SLC25A21: variants seen among roughly 807,000 people sequenced by gnomAD.
SLC25A21 encodes the protein mitochondrial 2-oxodicarboxylate carrier.
A neutral mutation model predicts 43.8 loss-of-function variants in SLC25A21; 47 were observed. That is an observed-to-expected ratio of 1.07 (90% CI 0.85 to 1.37). The LOEUF is 1.37. Ranked by LOEUF, SLC25A21 falls within the 40% of genes most tolerant of loss-of-function variation. The pLI, the probability that SLC25A21 is intolerant of heterozygous loss-of-function variation, is 0.00. For missense variants in SLC25A21, 352 were observed against 350.2 expected (o/e 1.00, Z -0.04); for synonymous variants, 131 against 121.3 (o/e 1.08, Z -0.52).
intron 3 of SLC25A21, among the ~76,000 whole-genome samples, chr14:36,756,230 TGAA>T (rs1253003128): frequency 1.3e-5 from 2 of 152,080 alleles, no homozygotes; most frequent in Admixed American, 6.5e-5. Context: ...GGAAGGTGGA[TGAA>T]GAAGAAAAGT....
intron 7 of SLC25A21, among the ~76,000 whole-genome samples, chr14:36,699,316 G>A (rs1239316979): frequency 6.6e-6 from 1 of 152,096 alleles, no homozygotes; most frequent in Non-Finnish European, 1.5e-5. Context: ...CCTTCCTCTG[G>A]AAGCTTCAAC....
intron 2 of SLC25A21, among the ~76,000 whole-genome samples, chr14:36,819,757 T>C (rs536682000): frequency 7.9e-5 from 12 of 152,238 alleles, no homozygotes; most frequent in African/African-American, 2.9e-4. Flanking sequence ...TATATATGCA[T>C]ATATAGTATA....
chr14:36,724,691 T>A (rs972079851), intron 6 of SLC25A21, among the ~76,000 whole-genome samples: 1 of 152,196 alleles, frequency 6.6e-6, no homozygotes, highest in Non-Finnish European at 1.5e-5. Context: ...CAAGGAATGC[T>A]GTCTGCACAA....
intron 1 of SLC25A21, among the ~76,000 whole-genome samples, chr14:37,115,945 A>T (rs953832545): frequency 6.6e-6 from 1 of 152,204 alleles, no homozygotes; most frequent in African/African-American, 2.4e-5. Flanking sequence ...CTACATTAAG[A>T]ATGAAAATAC....
intron 1 of SLC25A21, among the ~76,000 whole-genome samples, chr14:37,077,942 A>C (rs1039338287): frequency 4.6e-5 from 7 of 152,154 alleles, no homozygotes; most frequent in Non-Finnish European, 8.8e-5. Flanking sequence ...ACATTTTAAA[A>C]ATTTTTTTAA....
chr14:37,106,753 C>A (rs1175441812), intron 1 of SLC25A21, among the ~76,000 whole-genome samples: 1 of 48,050 alleles, frequency 2.1e-5, no homozygotes, highest in Admixed American at 1.9e-4. Flanking sequence ...CCTTTTGAAA[C>A]CCTTAATAAA....
chr14:36,932,734 T>A (rs1476200558), intron 1 of SLC25A21, among the ~76,000 whole-genome samples: 2 of 151,998 alleles, frequency 1.3e-5, no homozygotes, highest in Non-Finnish European at 2.9e-5. Context: ...ATACACTGTA[T>A]AATGTATTTA....
At chr14:37,028,133 G>T (rs1961132731) in intron 1 of SLC25A21, among the ~76,000 whole-genome samples, 1 of 151,846 alleles carries the variant, frequency 6.6e-6, no homozygotes, top group African/African-American at 2.4e-5. Flanking sequence ...TTTTTGTAAG[G>T]AGACGTGTGT....
At chr14:37,008,063 AG>A (rs1960647605) in intron 1 of SLC25A21, among the ~76,000 whole-genome samples, 1 of 152,032 alleles carries the variant, frequency 6.6e-6, no homozygotes, top group Non-Finnish European at 1.5e-5. Flanking sequence ...CAGTAGAGAC[AG>A]GGTTTAACCA....
intron 3 of SLC25A21, among the ~76,000 whole-genome samples, chr14:36,745,414 G>A (rs1013540514): frequency 2.6e-5 from 4 of 152,132 alleles, no homozygotes; most frequent in East Asian, 1.9e-4. Context: ...TTGAGGAATC[G>A]CCACACTGTC....
intron 1 of SLC25A21, among the ~76,000 whole-genome samples, chr14:37,167,718 C>T (rs530592039): frequency 6.6e-6 from 1 of 152,190 alleles, no homozygotes; most frequent in East Asian, 1.9e-4. Flanking sequence ...AAGATCAGGG[C>T]TTGAGATATT....
At chr14:36,965,969 T>C (rs897444754) in intron 1 of SLC25A21, among the ~76,000 whole-genome samples, 1 of 152,244 alleles carries the variant, frequency 6.6e-6, no homozygotes, top group Non-Finnish European at 1.5e-5. Flanking sequence ...ATTACATGCA[T>C]GTACCAAAAT....
At chr14:37,147,050 C>T (rs1010532441) in intron 1 of SLC25A21, among the ~76,000 whole-genome samples, 5 of 152,126 alleles carry the variant, frequency 3.3e-5, no homozygotes, top group African/African-American at 4.8e-5. Context: ...TCCATTTATT[C>T]ATTGCACAAG....
At chr14:36,921,040 G>C (rs1891966156) in intron 1 of SLC25A21, among the ~76,000 whole-genome samples, 1 of 152,106 alleles carries the variant, frequency 6.6e-6, no homozygotes, top group South Asian at 2.1e-4. Context: ...AATCATATGG[G>C]AGGGTGGATC....
At chr14:37,162,614 G>T (rs7153106) in intron 1 of SLC25A21, among the ~76,000 whole-genome samples, 60,283 of 151,924 alleles carry the variant, frequency 0.4, 12,911 homozygotes, top group African/African-American at 0.57. Flanking sequence ...CCAGTTAGAA[G>T]GGCAATCATT....
intron 2 of SLC25A21, among the ~76,000 whole-genome samples, chr14:36,823,807 T>G (rs1281286797): frequency 2.6e-5 from 4 of 152,176 alleles, no homozygotes; most frequent in Non-Finnish European, 5.9e-5. Flanking sequence ...GCAACCCCCT[T>G]GAGTCCACAA....
intron 1 of SLC25A21, among the ~76,000 whole-genome samples, chr14:37,077,485 T>C (rs964288453): frequency 6.6e-6 from 1 of 152,104 alleles, no homozygotes; most frequent in African/African-American, 2.4e-5. Context: ...AATCCGTATG[T>C]TATGTATAAC....
At chr14:37,132,096 C>T (rs1226183432) in intron 1 of SLC25A21, among the ~76,000 whole-genome samples, 1 of 152,102 alleles carries the variant, frequency 6.6e-6, no homozygotes, top group Non-Finnish European at 1.5e-5. Context: ...TGGTGGAAGG[C>T]AGAAGGTCAA....
At chr14:36,990,217 A>C (rs1458538256) in intron 1 of SLC25A21, among the ~76,000 whole-genome samples, 1 of 152,194 alleles carries the variant, frequency 6.6e-6, no homozygotes, top group African/African-American at 2.4e-5. Context: ...AAGCTGTCTA[A>C]GACAGCGGAT....
Sources: allele counts gnomAD v4.1 joint callset (sites outside exome capture counted in the v4.1 genomes callset), GRCh38; gene constraint gnomAD v4.1.1; transcripts MANE v1.5; gene names NCBI Gene and HGNC (gene_info 2026-07-23, HGNC 2026-07-21).